TANC2: variants seen among roughly 807,000 people sequenced by gnomAD.
TANC2 encodes protein TANC2.
A neutral mutation model predicts 210.5 loss-of-function variants in TANC2; 26 were observed. The observed-to-expected ratio is 0.12, with a 90% confidence interval of 0.09 to 0.17. The LOEUF is 0.17. TANC2 is among the 10% of genes least tolerant of loss of function. The pLI is 1.00. For synonymous variants in TANC2, 931 were observed against 967.1 expected, an observed-to-expected ratio of 0.96 and a Z score of 0.69; for missense variants, 2,129 against 2,608.9, an observed-to-expected ratio of 0.82 and a Z score of 4.01.
Position 63,421,216 on chromosome 17 carries a change from C to T in TANC2, c.5486C>T (p.Pro1829Leu). Reference sequence around the variant, plus strand: ...CGCTCCTCCAGCCAACTAGGTTCCCCTGATGTGTCGCATTTAATCAGAAGA... The same window carrying T: ...CGCTCCTCCAGCCAACTAGGTTCCCTTGATGTGTCGCATTTAATCAGAAGA... The change falls in exon 28 of 28, where the codon CCT becomes CTT. Residue 1829 changes from proline to leucine, a missense_variant. Physicochemically the swap from Pro to Leu is moderately conservative, Grantham distance 98. Around this residue, in one of 5 missense-constraint regions of TANC2, gnomAD observed 584 missense variants for 627.3 expected, o/e 0.93. Coordinates refer to ENST00000689528, the Ensembl canonical transcript of TANC2. The surrounding 1 kb of genome is among the most constrained non-coding windows in gnomAD (Gnocchi z 6.9). The T allele has an allele frequency of 3.1e-6, 5 of 1,614,050 alleles. No homozygotes were observed. In the South Asian group the frequency reaches 3.3e-5, roughly 11 times the overall value.
intron 19 of TANC2, 73 bp downstream of exon 19, chr17:63,398,987 T>C (rs1316309171): frequency 1.8e-6 from 2 of 1,142,134 alleles, no homozygotes; most frequent in Non-Finnish European, 2.5e-6. Context: ...CCCCTTATTT[T>C]TTCCCTGGCA....
chr17:63,303,669 G>C (rs2044797877), intron 9 of TANC2, among the ~76,000 whole-genome samples: 1 of 152,024 alleles, frequency 6.6e-6, no homozygotes, highest in Non-Finnish European at 1.5e-5. Context: ...AGATTCTCCT[G>C]GATAATATCC....
Position 63,418,283 on chromosome 17 carries a change from T to A in TANC2, c.4168-24T>A. The A allele has an allele frequency of 6.2e-7, 1 of 1,603,578 alleles. No homozygotes were observed. Among genetic ancestry groups the A allele is most frequent in the Non-Finnish European group, 8.5e-7 (1 of 1,173,112 alleles). ...TTTTTTATATCTCATCAATGACTCA[T>A]TTGCACACCTATTGTAATGACAGGA... On this transcript the variant is annotated intron_variant, in intron 26 of 27. Transcript: ENST00000689528. This position sits in a 1 kb window ranked among gnomAD's most constrained non-coding sequence, Gnocchi z 4.6.
chr17:63,137,297 A>C (rs1410187088), intron 4 of TANC2, among the ~76,000 whole-genome samples: 3 of 152,206 alleles, frequency 2.0e-5, no homozygotes, highest in Admixed American at 6.5e-5. Context: ...AGGGCCAGGA[A>C]CCAGCTACTT....
At chr17:63,109,213 T>C (rs2037940560) in intron 4 of TANC2, among the ~76,000 whole-genome samples, 1 of 151,502 alleles carries the variant, frequency 6.6e-6, no homozygotes, top group South Asian at 2.1e-4. Context: ...TCAATAAAGT[T>C]AAAAGGGAAA....
At chr17:63,016,555 G>GT (rs2034119469) in intron 2 of TANC2, among the ~76,000 whole-genome samples, 1 of 152,106 alleles carries the variant, frequency 6.6e-6, no homozygotes, top group African/African-American at 2.4e-5. Context: ...GTTTCTTTGA[G>GT]TTTTTTCATT....
chr17:63,243,092 A>G (rs2042819348), intron 8 of TANC2, among the ~76,000 whole-genome samples: 1 of 152,190 alleles, frequency 6.6e-6, no homozygotes, highest in African/African-American at 2.4e-5. Context: ...CCAAAGTTTC[A>G]TATCTTTTTC....
rs193191082 is a variant in TANC2, at chr17:63,196,420, C to T, written c.582+2281C>T. On this transcript the variant is annotated intron_variant, in intron 6 of 27. Coordinates refer to ENST00000689528, the Ensembl canonical transcript of TANC2. ...TAACTTGATGTCATATCTTATAACCCGAATATTTTTCAAGGACTCTGTCAT... is the reference window on the plus strand; with the variant it reads ...TAACTTGATGTCATATCTTATAACCTGAATATTTTTCAAGGACTCTGTCAT... Among the ~76,000 whole-genome samples, 465 of 151,952 alleles carry T rather than the reference C, an allele frequency of 3.1e-3. 3 individuals are homozygous for T. Among genetic ancestry groups the T allele is most frequent in the Non-Finnish European group, 4.4e-3 (298 of 67,962 alleles).
chr17:63,061,195 C>T (rs2035983402), intron 2 of TANC2, among the ~76,000 whole-genome samples: 1 of 151,998 alleles, frequency 6.6e-6, no homozygotes, highest in Non-Finnish European at 1.5e-5. Context: ...GGTGAAACCT[C>T]GTCTCTACTA....
intron 8 of TANC2, among the ~76,000 whole-genome samples, chr17:63,250,384 A>G (rs2043025313): frequency 6.6e-6 from 1 of 152,034 alleles, no homozygotes; most frequent in African/African-American, 2.4e-5. Flanking sequence ...CAATCCTCCA[A>G]CCTAATATCT....
At chr17:63,321,523 C>T (rs1340344557) in intron 11 of TANC2, among the ~76,000 whole-genome samples, 3 of 152,058 alleles carry the variant, frequency 2.0e-5, no homozygotes, top group Non-Finnish European at 4.4e-5. Context: ...TAAGATGATC[C>T]GCCCTTTTTT....
intron 25 of TANC2, 131 bp downstream of exon 25, chr17:63,413,765 G>A: frequency 2.5e-6 from 2 of 808,508 alleles, no homozygotes; most frequent in Non-Finnish European, 3.9e-6. Context: ...CCTCAGTGAT[G>A]GCCTCATATG....
intron 2 of TANC2, among the ~76,000 whole-genome samples, chr17:63,049,728 T>G (rs945088272): frequency 1.3e-5 from 2 of 152,168 alleles, no homozygotes; most frequent in Non-Finnish European, 2.9e-5. Context: ...AACAGAACCA[T>G]TCTGGTTGCA....
chr17:63,047,189 G>A (rs907053898), intron 2 of TANC2, among the ~76,000 whole-genome samples: 1 of 152,164 alleles, frequency 6.6e-6, no homozygotes, highest in African/African-American at 2.4e-5. Flanking sequence ...ACATCTGAAG[G>A]TAGAGATCAG....
At chr17:63,332,218 G>C (rs2045880584) in intron 11 of TANC2, 1 of 359,948 alleles carries the variant, frequency 2.8e-6, no homozygotes, top group Admixed American at 3.9e-5. Context: ...GGGAATTTTG[G>C]CTATAATAAC....
intron 5 of TANC2, among the ~76,000 whole-genome samples, chr17:63,170,074 G>A (rs1440903700): frequency 5.3e-5 from 8 of 150,714 alleles, no homozygotes; most frequent in South Asian, 2.1e-4. Context: ...AGCGGAGATC[G>A]CGCCACTGCA....
chr17:63,315,981 T>C (rs1468441971), intron 10 of TANC2, among the ~76,000 whole-genome samples: 2 of 152,224 alleles, frequency 1.3e-5, no homozygotes, highest in African/African-American at 2.4e-5. Context: ...ATTGCCATAG[T>C]ACTGTGGGAG....
intron 4 of TANC2, chr17:63,148,661 T>TTAGATTGTTCC (rs2039544576): frequency 6.6e-6 from 1 of 152,202 alleles, no homozygotes; most frequent in African/African-American, 2.4e-5. Context: ...AGTTTGGGCT[T>TTAGATTGTTCC]TAGATTGTTC....
At chr17:63,009,495 T>TA in intron 1 of TANC2, 42 bp from the exon 2 acceptor site, 1 of 1,440,958 alleles carries the variant, frequency 6.9e-7, no homozygotes, top group Non-Finnish European at 9.7e-7. Flanking sequence ...GCTATGAAAA[T>TA]AAAGTTTTCT....
Sources: allele counts gnomAD v4.1 joint callset (sites outside exome capture counted in the v4.1 genomes callset), GRCh38; gene constraint gnomAD v4.1.1; regional missense constraint gnomAD v4.1.1; non-coding constraint Gnocchi (gnomAD v3.1); transcripts MANE v1.5; gene names NCBI Gene and HGNC (gene_info 2026-07-23, HGNC 2026-07-21).